The following ESRRG variants were observed in gnomAD, a reference collection of about 807,000 sequenced individuals.
ESRRG encodes the protein estrogen related receptor gamma.
A neutral mutation model predicts 44.0 loss-of-function variants in ESRRG; 13 were observed. That is an observed-to-expected ratio of 0.30 (90% CI 0.19 to 0.47). The LOEUF (loss-of-function observed/expected upper bound fraction) is 0.47, where lower values mean the gene tolerates loss of function less well. Among genes scored for constraint, ESRRG ranks in the 20% least tolerant of loss-of-function variants. The probability of loss-of-function intolerance (pLI) is 1.00; values close to 1 mark genes in which losing one functional copy is unlikely to be tolerated. For missense variants in ESRRG, 395 were observed against 580.6 expected (o/e 0.68, Z 3.29); for synonymous variants, 215 against 214.6 (o/e 1.00, Z -0.02).
chr1:216,525,944 T>A (rs1056593220), intron 5 of ESRRG, among the ~76,000 whole-genome samples: 1 of 152,100 alleles, frequency 6.6e-6, no homozygotes, highest in Non-Finnish European at 1.5e-5. Flanking sequence ...GGGGTCCCCA[T>A]CAAATTTGGT....
intron 1 of ESRRG, among the ~76,000 whole-genome samples, chr1:216,722,967 C>T (rs2086676452): frequency 6.6e-6 from 1 of 152,278 alleles, no homozygotes; most frequent in South Asian, 2.1e-4. Flanking sequence ...AGTGCCTATT[C>T]TTAGCACCTG....
At position 217,039,076 on chromosome 1, in the gene ESRRG, G is replaced by A. The variant is rs569807629; in HGVS notation, c.-106+50431C>T. ...AAAAGAGTCACGTTTGCTCCAGTTC[G>A]CATTGAGTTCCTCATTTCCATCTGA... is the stretch of plus-strand genomic sequence containing the variant. On this transcript the variant is annotated intron_variant, in intron 1 of 7. Transcript: ENST00000359162. Among the ~76,000 whole-genome samples, 14 of 152,258 alleles carry A rather than the reference G, an allele frequency of 9.2e-5. No individual in the cohort carries two copies. The South Asian group carries it at 1.5e-3, about 16-fold the overall frequency.
chr1:216,652,238 G>A (rs1437462710), intron 2 of ESRRG, among the ~76,000 whole-genome samples: 1 of 152,108 alleles, frequency 6.6e-6, no homozygotes, highest in Non-Finnish European at 1.5e-5. Context: ...CCTGAAACAT[G>A]CGCAGATTCT....
chr1:216,726,690 T>C (rs929123475), upstream of ESRRG, among the ~76,000 whole-genome samples: 6 of 152,164 alleles, frequency 3.9e-5, no homozygotes, highest in African/African-American at 1.4e-4. Flanking sequence ...AGAATATTAA[T>C]AAATTAGTTA....
intron 5 of ESRRG, among the ~76,000 whole-genome samples, chr1:216,563,212 A>C (rs529578884): frequency 6.6e-6 from 1 of 152,324 alleles, no homozygotes; most frequent in South Asian, 2.1e-4. Flanking sequence ...CTAGAACTAC[A>C]ACGAACAAAG....
chr1:217,021,906 CTA>C (rs1205201561), intron 1 of ESRRG, among the ~76,000 whole-genome samples: 1 of 152,198 alleles, frequency 6.6e-6, no homozygotes, highest in East Asian at 1.9e-4. Context: ...GCAGCTGTGA[CTA>C]TGGGCTCGCT....
intron 2 of ESRRG, among the ~76,000 whole-genome samples, chr1:216,884,171 C>G (rs1340960606): frequency 6.6e-6 from 1 of 152,146 alleles, no homozygotes; most frequent in Non-Finnish European, 1.5e-5. Context: ...CTGCAGGAAA[C>G]TAGGTTTGTC....
intron 6 of ESRRG, among the ~76,000 whole-genome samples, chr1:216,515,037 C>T (rs1200310209): frequency 1.3e-5 from 2 of 151,646 alleles, no homozygotes; most frequent in Non-Finnish European, 2.9e-5. Flanking sequence ...CCAAACTGGC[C>T]ACCTTTACTT....
chr1:216,650,940 C>T, intron 3 of ESRRG, 33 bp downstream of exon 3: 1 of 1,422,764 alleles, frequency 7.0e-7, no homozygotes, highest in South Asian at 1.1e-5. Context: ...ACAGCAAAAT[C>T]AAAACCTCAG....
intron 5 of ESRRG, among the ~76,000 whole-genome samples, chr1:216,524,543 A>G (rs554431071): frequency 2.2e-4 from 33 of 152,190 alleles, no homozygotes; most frequent in Non-Finnish European, 4.3e-4. Context: ...CCAGATTTCA[A>G]TAATTTAGAT....
rs3040899 is a variant in ESRRG at position 216,542,072 on chromosome 1, C to CAGAGAGAGAGAGAG, written c.862+22133_862+22146dup. 3.4e-3 allele frequency among the ~76,000 whole-genome samples: 479 copies of CAGAGAGAGAGAGAG among 139,912 alleles called. 4 individuals are homozygous for CAGAGAGAGAGAGAG. Among genetic ancestry groups the CAGAGAGAGAGAGAG allele is most frequent in the Middle Eastern group, 0.015 (4 of 272 alleles). The allele number at this position is 139,912 out of a possible 152,430, so 91.8% of individuals were successfully genotyped here. A position where few individuals can be genotyped will look rare whatever the true frequency, so the allele number is the denominator to read the frequency against. ...GTGGGTATAAGGTGTGTGTCTATGA[C>CAGAGAGAGAGAGAG]AGAGAGAGAGAGAGAGAGAGAGAGA... is the stretch of plus-strand genomic sequence containing the variant. On this transcript the variant is annotated intron_variant, in intron 5 of 6. Coordinates refer to ENST00000408911, the MANE Select transcript of ESRRG (RefSeq NM_001438.4).
intron 1 of ESRRG, among the ~76,000 whole-genome samples, chr1:217,069,883 A>C (rs2151438067): frequency 6.6e-6 from 1 of 152,046 alleles, no homozygotes; most frequent in Non-Finnish European, 1.5e-5. Context: ...GTAAATCACA[A>C]CCCTCACATC....
chr1:216,764,361 C>T (rs1193733141), intron 2 of ESRRG, among the ~76,000 whole-genome samples: 1 of 151,914 alleles, frequency 6.6e-6, no homozygotes. Context: ...CCTCTGCCTC[C>T]CAGGTTCAAG....
chr1:217,121,187 C>T (rs905673048), intron 1 of ESRRG, among the ~76,000 whole-genome samples: 1 of 151,654 alleles, frequency 6.6e-6, no homozygotes, highest in Non-Finnish European at 1.5e-5. Flanking sequence ...TGAGCAGATA[C>T]AAAAAGAAAT....
intron 2 of ESRRG, among the ~76,000 whole-genome samples, chr1:216,852,383 G>T (rs541238987): frequency 2.6e-5 from 4 of 152,300 alleles, no homozygotes; most frequent in Admixed American, 2.6e-4. Context: ...AGAAGAAACC[G>T]TGGCACACAA....
At chr1:216,557,212 AG>A (rs1334569173) in intron 5 of ESRRG, among the ~76,000 whole-genome samples, 1 of 152,204 alleles carries the variant, frequency 6.6e-6, no homozygotes, top group African/African-American at 2.4e-5. Flanking sequence ...ATTGATTTAT[AG>A]GACATACATT....
chr1:216,635,154 C>A (rs1229376943), intron 3 of ESRRG, among the ~76,000 whole-genome samples: 1 of 152,158 alleles, frequency 6.6e-6, no homozygotes, highest in Non-Finnish European at 1.5e-5. Context: ...GATATGCTGC[C>A]ATTAATTTGA....
At chr1:216,964,748 A>G (rs1224886586) in intron 1 of ESRRG, among the ~76,000 whole-genome samples, 2 of 91,358 alleles carry the variant, frequency 2.2e-5, no homozygotes, top group Non-Finnish European at 4.5e-5. Context: ...GAAGAGAAGG[A>G]AAAAAAAAAC....
At chr1:216,886,848 C>T (rs1276875963) in intron 2 of ESRRG, among the ~76,000 whole-genome samples, 1 of 152,066 alleles carries the variant, frequency 6.6e-6, no homozygotes, top group Admixed American at 6.6e-5. Context: ...CTTAGCCTCC[C>T]AAATAGCTGG....
Sources: allele counts gnomAD v4.1 joint callset (sites outside exome capture counted in the v4.1 genomes callset), GRCh38; gene constraint gnomAD v4.1.1; transcripts MANE v1.5; gene names NCBI Gene and HGNC (gene_info 2026-07-23, HGNC 2026-07-21).